Variants in GNAL observed in about 807,000 individuals in gnomAD.
The protein encoded by GNAL is G protein subunit alpha L.
GNAL carries 18 observed loss-of-function variants against 55.1 expected under a neutral mutation model. That is an observed-to-expected ratio of 0.33 (90% CI 0.23 to 0.48). GNAL has a LOEUF of 0.48. Among genes scored for constraint, GNAL ranks in the 20% least tolerant of loss-of-function variants. The pLI is 0.99. For synonymous variants in GNAL, 253 were observed against 237.0 expected, an observed-to-expected ratio of 1.07 and a Z score of -0.62; for missense variants, 412 against 614.1, an observed-to-expected ratio of 0.67 and a Z score of 3.48.
chr18:11,777,782 GT>G (rs915594508), intron 4 of GNAL, among the ~76,000 whole-genome samples: 1 of 152,110 alleles, frequency 6.6e-6, no homozygotes, highest in African/African-American at 2.4e-5. Flanking sequence ...CCTAGCACTC[GT>G]TACATCCTAA....
At chr18:11,717,061 T>G (rs564062179) in intron 1 of GNAL, among the ~76,000 whole-genome samples, 2 of 152,332 alleles carry the variant, frequency 1.3e-5, no homozygotes, top group Admixed American at 6.5e-5. Context: ...GGCTCACGCA[T>G]GGCGGGCTGC....
At chr18:11,808,407 T>C (rs1368559857) in intron 4 of GNAL, among the ~76,000 whole-genome samples, 3 of 152,204 alleles carry the variant, frequency 2.0e-5, no homozygotes, top group East Asian at 1.9e-4. Flanking sequence ...TCCAAGAATG[T>C]TGGGACTATC....
rs2036279550 is a variant in GNAL, at chr18:11,867,052, A to G, written c.852-116A>G. The stretch of plus-strand genomic sequence containing the variant: ...GGTGCAGGCCAGTGACCCGAGCTTG[A>G]CTCAAGACCCATGTGTGAACGCTGG... On this transcript the variant is annotated intron_variant, in intron 7 of 11. Coordinates refer to ENST00000334049, the MANE Select transcript of GNAL (RefSeq NM_182978.4). The G allele has an allele frequency of 3.7e-5, 29 of 790,492 alleles. 1 individual carries two copies. In the South Asian group the frequency reaches 4.1e-4, roughly 11 times the overall value. The allele number at this position is 790,492 out of a possible 1,614,324, so 49.0% of individuals were successfully genotyped here.
intron 5 of GNAL, among the ~76,000 whole-genome samples, chr18:11,831,387 C>T (rs2035379954): frequency 6.6e-6 from 1 of 152,062 alleles, no homozygotes; most frequent in South Asian, 2.1e-4. Flanking sequence ...CATACTTGAC[C>T]CACCGAAAGT....
chr18:11,884,663 C>T lies in GNAL; in HGVS notation c.*3528C>T. On this transcript the variant is annotated 3_prime_UTR_variant, in exon 12 of 12. Coordinates refer to ENST00000334049, the MANE Select transcript of GNAL (RefSeq NM_182978.4). ...GAAGGGAAAGTTATGCTGAGAGCAC[C>T]AGGCACACGTTGAACACCGCAGTCT... 1 of 1,599,296 alleles carries T rather than the reference C, an allele frequency of 6.3e-7. No homozygotes were observed. The highest frequency in any genetic ancestry group is 1.1e-5 in the South Asian group (1 of 90,666).
Position 11,754,406 on chromosome 18 carries a change from G to A in GNAL, c.624+461G>A, listed in dbSNP as rs192028952. On this transcript the variant is annotated intron_variant, in intron 4 of 11. Transcript: ENST00000334049. ...CACTCCAGCCTGGGCGACAGAGCGAGACTCCCATCTCAAAAAAAAAAAAAA... is the reference window on the plus strand; with the variant it reads ...CACTCCAGCCTGGGCGACAGAGCGAAACTCCCATCTCAAAAAAAAAAAAAA... 7.9e-3 allele frequency among the ~76,000 whole-genome samples: 1,186 copies of A among 149,780 alleles called. 16 individuals are homozygous for A. Among genetic ancestry groups the A allele is most frequent in the African/African-American group, 0.027 (1,109 of 40,534 alleles).
At chr18:11,854,119 CT>C (rs1338219606) in intron 5 of GNAL, 1 of 167,088 alleles carries the variant, frequency 6.0e-6, no homozygotes, top group Non-Finnish European at 1.5e-5. Context: ...GCCACTGCAC[CT>C]GGCCTTAACC....
intron 4 of GNAL, among the ~76,000 whole-genome samples, chr18:11,796,319 T>C (rs1279563985): frequency 6.6e-6 from 1 of 152,132 alleles, no homozygotes; most frequent in Non-Finnish European, 1.5e-5. Flanking sequence ...GGCTCACGCC[T>C]GTAATCCCAG....
intron 1 of GNAL, among the ~76,000 whole-genome samples, chr18:11,700,659 G>A (rs1025843295): frequency 1.1e-4 from 16 of 152,238 alleles, no homozygotes; most frequent in African/African-American, 3.9e-4. Flanking sequence ...TCAACCTGCC[G>A]ACTGATGGAG....
At chr18:11,788,910 A>ATATATATATATAT (rs1314963053) in intron 4 of GNAL, among the ~76,000 whole-genome samples, 28 of 73,314 alleles carry the variant, frequency 3.8e-4, no homozygotes, top group East Asian at 1.4e-3. Flanking sequence ...AAAAAAAAAA[A>ATATATATATATAT]AAAAATATAT....
intron 4 of GNAL, among the ~76,000 whole-genome samples, chr18:11,814,748 TAACTGGG>T (rs1412767590): frequency 6.7e-6 from 1 of 149,542 alleles, no homozygotes; most frequent in African/African-American, 2.5e-5. Flanking sequence ...AATACAAAAT[TAACTGGG>T]CATGGGGTGG....
intron 4 of GNAL, among the ~76,000 whole-genome samples, chr18:11,821,118 G>T (rs992836598): frequency 6.6e-6 from 1 of 152,192 alleles, no homozygotes; most frequent in African/African-American, 2.4e-5. Flanking sequence ...TTTGTGAATC[G>T]TGGAAGGACC....
intron 5 of GNAL, among the ~76,000 whole-genome samples, chr18:11,830,652 C>A (rs887348976): frequency 6.6e-6 from 1 of 152,118 alleles, no homozygotes; most frequent in Non-Finnish European, 1.5e-5. Context: ...TAAAAACATA[C>A]CTCCATACAA....
At position 11,705,015 on chromosome 18, in the gene GNAL, G is replaced by A. The variant is rs142039131; in HGVS notation, c.376+15076G>A. On this transcript the variant is annotated intron_variant, in intron 1 of 11. Coordinates refer to ENST00000334049, the MANE Select transcript of GNAL (RefSeq NM_182978.4). The stretch of plus-strand genomic sequence containing the variant: ...AAAAAGTTTTTAAGTGTACAATACC[G>A]TACTCTTCTATATGGGGACAACGTT... Among the ~76,000 whole-genome samples, 343 of 151,948 alleles carry A rather than the reference G, an allele frequency of 2.3e-3. 5 individuals are homozygous for A. Among genetic ancestry groups the A allele is most frequent in the Non-Finnish European group, 4.1e-3 (280 of 67,968 alleles).
In GNAL at chr18:11,865,528, T is replaced by C. The variant is rs1054857518; in HGVS notation, c.851+922T>C. 1.4e-5 allele frequency among the ~76,000 whole-genome samples: 2 copies of C among 147,226 alleles called. 1 individual carries two copies. Among genetic ancestry groups the C allele is most frequent in the African/African-American group, 5.3e-5 (2 of 37,450 alleles). On this transcript the variant is annotated intron_variant, in intron 7 of 11. Coordinates refer to ENST00000334049, the MANE Select transcript of GNAL (RefSeq NM_182978.4). ...ACTTTGGGAGGCAAAGGCAGTAGGA[T>C]TGCTTGAGACCGGGTGTTCAAGACC...
intron 5 of GNAL, among the ~76,000 whole-genome samples, chr18:11,828,323 G>C (rs552441109): frequency 6.4e-4 from 97 of 152,106 alleles, no homozygotes; most frequent in Middle Eastern, 6.8e-3. Flanking sequence ...AGGATCCCTT[G>C]AGCCCAGGAG....
intron 4 of GNAL, among the ~76,000 whole-genome samples, chr18:11,776,859 T>C (rs2143322931): frequency 6.6e-6 from 1 of 152,254 alleles, no homozygotes; most frequent in East Asian, 1.9e-4. Flanking sequence ...GTGCTGCGGG[T>C]CCCTTTCCAA....
chr18:11,857,829 G>A (rs2036044215), intron 5 of GNAL: 1 of 621,676 alleles, frequency 1.6e-6, no homozygotes, highest in Non-Finnish European at 2.0e-6. Context: ...CTGGGCTCCA[G>A]TGATCCTGCT....
chr18:11,821,723 A>G (rs2035095955), intron 4 of GNAL, among the ~76,000 whole-genome samples: 1 of 152,184 alleles, frequency 6.6e-6, no homozygotes, highest in Admixed American at 6.5e-5. Context: ...GCGGGGGTGC[A>G]CTGTTTGCAG....
Sources: allele counts gnomAD v4.1 joint callset (sites outside exome capture counted in the v4.1 genomes callset), GRCh38; gene constraint gnomAD v4.1.1; transcripts MANE v1.5; gene names NCBI Gene and HGNC (gene_info 2026-07-23, HGNC 2026-07-21).